Variants in CLVS1 observed in about 807,000 individuals in gnomAD.
CLVS1 encodes clavesin 1.
A neutral mutation model predicts 33.1 loss-of-function variants in CLVS1; 10 were observed. The observed-to-expected ratio is 0.30, with a 90% CI of 0.19 to 0.51. The LOEUF (loss-of-function observed/expected upper bound fraction) is 0.51, where lower values mean the gene tolerates loss of function less well. Ranked by LOEUF, CLVS1 falls within the 20% of genes least tolerant of loss-of-function variation. The pLI, the probability that CLVS1 is intolerant of heterozygous loss-of-function variation, is 0.97. For synonymous variants in CLVS1, 163 were observed against 166.1 expected, an observed-to-expected ratio of 0.98 and a Z score of 0.14; for missense variants, 343 against 433.4, an observed-to-expected ratio of 0.79 and a Z score of 1.85.
intron 2 of CLVS1, among the ~76,000 whole-genome samples, chr8:61,247,753 A>G (rs940302534): frequency 4.6e-5 from 7 of 152,020 alleles, no homozygotes; most frequent in African/African-American, 1.7e-4. Context: ...CTGTCTGTTG[A>G]TAGTTTCTTT....
intron 1 of CLVS1, among the ~76,000 whole-genome samples, chr8:61,104,318 G>A (rs1053863128): frequency 6.6e-6 from 1 of 152,232 alleles, no homozygotes; most frequent in East Asian, 1.9e-4. Context: ...GAGCTGAAAT[G>A]AGGGTTAAAA....
At chr8:61,117,682 T>A (rs1316778810) in intron 1 of CLVS1, among the ~76,000 whole-genome samples, 1 of 152,120 alleles carries the variant, frequency 6.6e-6, no homozygotes, top group African/African-American at 2.4e-5. Context: ...ATTTATTGAT[T>A]TGCGTATATT....
intron 2 of CLVS1, among the ~76,000 whole-genome samples, chr8:61,360,478 C>A (rs1244296166): frequency 6.6e-6 from 1 of 152,134 alleles, no homozygotes; most frequent in African/African-American, 2.4e-5. Context: ...ACAAATATTA[C>A]CTTCTTCTAA....
chr8:61,158,342 ACTCTCCAGCT>A (rs1359767110), intron 2 of CLVS1, among the ~76,000 whole-genome samples: 1 of 151,950 alleles, frequency 6.6e-6, no homozygotes, highest in Non-Finnish European at 1.5e-5. Context: ...GGGTGGAGAC[ACTCTCCAGCT>A]CAATGGAAGT....
the CLVS1 span, among the ~76,000 whole-genome samples, chr8:60,993,425 TG>T: frequency 6.6e-6 from 1 of 152,226 alleles, no homozygotes; most frequent in Non-Finnish European, 1.5e-5. Context: ...TGGGCCCCAC[TG>T]TGTTCTCATC....
intron 1 of CLVS1, among the ~76,000 whole-genome samples, chr8:61,102,364 T>C (rs1170051142): frequency 1.3e-5 from 2 of 152,238 alleles, no homozygotes; most frequent in Admixed American, 6.5e-5. Context: ...TTTATGCAAT[T>C]GTAAAAAAAA....
the CLVS1 span, among the ~76,000 whole-genome samples, chr8:61,048,309 G>A: frequency 0.2 from 29,729 of 152,142 alleles, 3,953 homozygotes; most frequent in African/African-American, 0.38. Context: ...TGGACCAACT[G>A]CAGCAAGGAG....
intron 2 of CLVS1, among the ~76,000 whole-genome samples, chr8:61,350,413 A>G (rs940576472): frequency 6.6e-6 from 1 of 152,068 alleles, no homozygotes; most frequent in Non-Finnish European, 1.5e-5. Context: ...TGTATTTGGC[A>G]TTATTTGATT....
At chr8:61,286,479 G>A (rs983549499), upstream of CLVS1, among the ~76,000 whole-genome samples, 10 of 152,282 alleles carry the variant, frequency 6.6e-5, no homozygotes, top group African/African-American at 2.2e-4. Flanking sequence ...CTAAGTTTTA[G>A]ATGGTTGTCT....
chr8:61,332,539 T>A (rs1811637428), intron 2 of CLVS1, among the ~76,000 whole-genome samples: 1 of 152,220 alleles, frequency 6.6e-6, no homozygotes, highest in Non-Finnish European at 1.5e-5. Flanking sequence ...TCTAATCTGC[T>A]ATCATCTCAT....
chr8:61,097,691 T>G (rs1041609359), intron 1 of CLVS1, among the ~76,000 whole-genome samples: 3 of 152,218 alleles, frequency 2.0e-5, no homozygotes, highest in African/African-American at 7.2e-5. Context: ...CACTATTAAC[T>G]TCAAGGTACC....
intron 2 of CLVS1, among the ~76,000 whole-genome samples, chr8:61,308,605 C>A (rs995875006): frequency 6.6e-6 from 1 of 152,100 alleles, no homozygotes; most frequent in African/African-American, 2.4e-5. Flanking sequence ...CTCTTCCGGG[C>A]ACTGTGATAA....
chr8:61,339,549 A>G (rs1014264455), intron 2 of CLVS1, among the ~76,000 whole-genome samples: 1 of 152,114 alleles, frequency 6.6e-6, no homozygotes, highest in African/African-American at 2.4e-5. Context: ...CACTGACAGA[A>G]CCAATTACTC....
chr8:61,046,297 G>C, the CLVS1 span, among the ~76,000 whole-genome samples: 9 of 147,410 alleles, frequency 6.1e-5, no homozygotes, highest in Non-Finnish European at 1.2e-4. Flanking sequence ...TCTGATAGTT[G>C]TAGATATGCG....
At chr8:61,322,476 C>T (rs1248659292) in intron 2 of CLVS1, among the ~76,000 whole-genome samples, 3 of 152,172 alleles carry the variant, frequency 2.0e-5, no homozygotes, top group Non-Finnish European at 4.4e-5. Flanking sequence ...TGCACAACTG[C>T]CCCTGTGTGT....
At chr8:61,015,841 C>T in the CLVS1 span, among the ~76,000 whole-genome samples, 1 of 152,204 alleles carries the variant, frequency 6.6e-6, no homozygotes, top group African/African-American at 2.4e-5. Context: ...TCCACCACTT[C>T]CATCCCAAAG....
upstream of CLVS1, among the ~76,000 whole-genome samples, chr8:61,285,757 A>G (rs368359493): frequency 2.0e-5 from 3 of 152,194 alleles, no homozygotes; most frequent in South Asian, 4.1e-4. Flanking sequence ...TTGAGAGTCC[A>G]GGAATAATGG....
At chr8:61,266,644 T>C (rs1028819092) in intron 2 of CLVS1, among the ~76,000 whole-genome samples, 5 of 152,204 alleles carry the variant, frequency 3.3e-5, no homozygotes, top group Non-Finnish European at 5.9e-5. Flanking sequence ...AAAAGCCCTT[T>C]TTGCATAACC....
At position 61,124,756 on chromosome 8, in the gene CLVS1, GAAAGAC is replaced by G. The variant is rs1164384756; in HGVS notation, c.-242-7004_-242-6999del. Reference sequence around the variant, plus strand: ...TCCTAGATGTGGGGCATTGGGTGCAGAAAGACAAAGACAAATCAGACCTAGTCCTTG... The same window carrying G: ...TCCTAGATGTGGGGCATTGGGTGCAGAAAGACAAATCAGACCTAGTCCTTG... On this transcript the variant is annotated intron_variant, in intron 1 of 2. Coordinates refer to the CLVS1 transcript ENST00000522621. 3.9e-5 allele frequency among the ~76,000 whole-genome samples: 6 copies of G among 152,302 alleles called. No homozygotes were observed. In the South Asian group the frequency reaches 8.3e-4, roughly 21 times the overall value.
Sources: gnomAD v4.1 joint callset for allele counts (sites outside exome capture counted in the v4.1 genomes callset) on GRCh38, gnomAD v4.1.1 for gene constraint, MANE v1.5 for transcripts, NCBI Gene and HGNC (gene_info 2026-07-23, HGNC 2026-07-21) for gene names.